HP1BP3: variants seen among roughly 807,000 people sequenced by gnomAD.
HP1BP3 encodes heterochromatin protein 1 binding protein 3.
In HP1BP3, 12 loss-of-function variants were observed where a neutral mutation model predicts 62.5. The ratio of observed to expected loss-of-function variants is 0.19; its 90% CI spans 0.12 to 0.31. The LOEUF (loss-of-function observed/expected upper bound fraction) is 0.31. Ranked by LOEUF, HP1BP3 falls within the 10% of genes least tolerant of loss-of-function variation. HP1BP3 has a pLI of 1.00. For missense variants in HP1BP3, 502 were observed against 651.8 expected (o/e 0.77, Z 2.50); for synonymous variants, 260 against 237.8 (o/e 1.09, Z -0.86).
chr1:20,765,688 A>C (rs1349495411), intron 7 of HP1BP3, among the ~76,000 whole-genome samples, 157 bp from the exon 8 acceptor site: 1 of 152,094 alleles, frequency 6.6e-6, no homozygotes, highest in Non-Finnish European at 1.5e-5. Flanking sequence ...ATACATATAA[A>C]AGCTGGGTGT....
At position 20,744,540 on chromosome 1, in the gene HP1BP3, G is replaced by A. The variant is rs1378547071; in HGVS notation, c.*257C>T. ...GGGGTTGGGGGAGGCAGAGAAAAAG[G>A]ACAAGTATACATTACATAGTTTAGG... On this transcript the variant is annotated 3_prime_UTR_variant, in exon 13 of 13. Coordinates refer to ENST00000438032, the MANE Select transcript of HP1BP3 (RefSeq NM_001372052.1). 6.1e-6 allele frequency: 2 copies of A among 330,206 alleles called. No individual in the cohort carries two copies. Among genetic ancestry groups the A allele is most frequent in the African/African-American group, 2.1e-5 (1 of 46,516 alleles). The allele number at this position is 330,206 out of a possible 1,614,324, so 20.5% of individuals were successfully genotyped here. A position where few individuals can be genotyped will look rare whatever the true frequency, so the allele number is the denominator to read the frequency against.
At chr1:20,756,928 T>A (rs1444816879) in intron 9 of HP1BP3, among the ~76,000 whole-genome samples, 1 of 152,164 alleles carries the variant, frequency 6.6e-6, no homozygotes, top group East Asian at 1.9e-4. Flanking sequence ...CAGGCTGGTC[T>A]CGAACTCCCA....
At chr1:20,755,447 C>T (rs985376066) in intron 9 of HP1BP3, 3 of 427,164 alleles carry the variant, frequency 7.0e-6, no homozygotes, top group East Asian at 1.4e-4. Flanking sequence ...TGGTGGTGCA[C>T]GCCTATAATC....
chr1:20,757,355 T>TTAC, intron 8 of HP1BP3, 99 bp from the exon 9 acceptor site: 2 of 509,162 alleles, frequency 3.9e-6, no homozygotes, highest in Non-Finnish European at 3.1e-6. Context: ...AGAGTTCTGA[T>TTAC]TACTATTATT....
In HP1BP3 at chr1:20,740,777, C is replaced by A. The variant is rs189786608; in HGVS notation, c.*4020G>T. On this transcript the variant is annotated 3_prime_UTR_variant, in exon 13 of 13. Transcript: ENST00000438032. ...AAGCTGCAGTGAGCCAAGATCACACCACTGCGCTGCAGCCTTAGTGACACA... is the reference window on the plus strand; with the variant it reads ...AAGCTGCAGTGAGCCAAGATCACACAACTGCGCTGCAGCCTTAGTGACACA... Among the ~76,000 whole-genome samples, 4 of 152,314 alleles carry A rather than the reference C, an allele frequency of 2.6e-5. No individual in the cohort carries two copies. In the East Asian group the frequency reaches 7.7e-4, roughly 29 times the overall value.
At chr1:20,780,302 G>T in intron 2 of HP1BP3, 43 bp downstream of exon 2, 1 of 1,397,088 alleles carries the variant, frequency 7.2e-7, no homozygotes, top group Middle Eastern at 1.8e-4. Flanking sequence ...CTGAAGTCAG[G>T]GATTGATCCA....
rs749105870 is a variant in HP1BP3 at position 20,780,464 on chromosome 1, T to C, written c.-24A>G. ...ATTTTAAATAATTTCTAGGCCCGAG[T>C]ACAGGTTACACTCTGAAGCCTCTGC... On this transcript the variant is annotated 5_prime_UTR_variant, in exon 2 of 13. Coordinates refer to ENST00000438032, the MANE Select transcript of HP1BP3 (RefSeq NM_001372052.1). 6.7e-7 allele frequency: 1 copy of C among 1,496,708 alleles called. No homozygotes were observed. The highest frequency in any genetic ancestry group is 1.1e-5 in the South Asian group (1 of 88,658). The allele number at this position is 1,496,708 out of a possible 1,614,324, so 92.7% of individuals were successfully genotyped here.
chr1:20,750,710 C>T (rs969174249), intron 9 of HP1BP3, among the ~76,000 whole-genome samples: 1 of 151,878 alleles, frequency 6.6e-6, no homozygotes, highest in Non-Finnish European at 1.5e-5. Context: ...GACAGCAAGA[C>T]CAACACCTCC....
chr1:20,770,140 T>C (rs2056987981), intron 6 of HP1BP3, among the ~76,000 whole-genome samples: 1 of 152,202 alleles, frequency 6.6e-6, no homozygotes, highest in Admixed American at 6.5e-5. Flanking sequence ...AAATCAACAT[T>C]TGTTCTAGTA....
chr1:20,746,251 G>A (rs2055327463), intron 11 of HP1BP3, among the ~76,000 whole-genome samples: 1 of 147,372 alleles, frequency 6.8e-6, no homozygotes, highest in African/African-American at 2.6e-5. Context: ...CAGACACAGG[G>A]TCTTGCTATG....
intron 8 of HP1BP3, among the ~76,000 whole-genome samples, chr1:20,757,532 C>T (rs978962989): frequency 1.5e-4 from 23 of 151,900 alleles, no homozygotes; most frequent in Non-Finnish European, 2.2e-4. Flanking sequence ...CCACCACACC[C>T]GGCTAATTTT....
chr1:20,746,215 T>C (rs1327376899), intron 11 of HP1BP3, among the ~76,000 whole-genome samples: 1 of 151,638 alleles, frequency 6.6e-6, no homozygotes, highest in Admixed American at 6.6e-5. Context: ...TGTGTGTGTG[T>C]GTGTGTGTGT....
chr1:20,780,238 C>A, intron 2 of HP1BP3, 107 bp downstream of exon 2: 2 of 801,962 alleles, frequency 2.5e-6, no homozygotes, highest in Non-Finnish European at 4.3e-6. Flanking sequence ...AATTCACAAC[C>A]TAGACTCCCC....
Position 20,776,687 on chromosome 1 carries a change from G to C in HP1BP3, c.260C>G (p.Pro87Arg). ...TVEEQENETP[P>R]ATSSEAEQPK... ...CTGCTCTGCCTCACTCGAAGTAGCA[G>C]GTGGAGTTTCATTCTCTTGTTCTTC... The change falls in exon 4 of 13, where the codon CCT (proline) becomes CGT (arginine). Residue 87 changes from proline (P) to arginine (R), a missense_variant. This residue lies in a region of HP1BP3 where 165 missense variants were observed against 156.4 expected (regional missense o/e 1.05). Transcript: ENST00000438032. The C allele has an allele frequency of 6.2e-7, 1 of 1,613,824 alleles. No individual in the cohort carries two copies.
At chr1:20,785,425 T>C (rs1265011254) in intron 1 of HP1BP3, among the ~76,000 whole-genome samples, 2 of 152,230 alleles carry the variant, frequency 1.3e-5, no homozygotes, top group East Asian at 3.8e-4. Context: ...GTAATACATG[T>C]CATTAGTGAT....
intron 10 of HP1BP3, among the ~76,000 whole-genome samples, chr1:20,748,762 T>TAAA (rs777290375): frequency 7.0e-6 from 1 of 142,122 alleles, no homozygotes; most frequent in Admixed American, 7.0e-5. Flanking sequence ...AGACTCCGTC[T>TAAA]AAAAAAAAAA....
At chr1:20,769,146 G>A (rs1235394345) in intron 6 of HP1BP3, among the ~76,000 whole-genome samples, 1 of 152,204 alleles carries the variant, frequency 6.6e-6, no homozygotes, top group Non-Finnish European at 1.5e-5. Flanking sequence ...CTGGAGTGCA[G>A]TGGCACAATC....
intron 9 of HP1BP3, among the ~76,000 whole-genome samples, chr1:20,753,592 G>A (rs1041305820): frequency 1.3e-5 from 2 of 152,176 alleles, no homozygotes; most frequent in Non-Finnish European, 1.5e-5. Flanking sequence ...CCAATGTATC[G>A]TGCTACAAAA....
In HP1BP3 at chr1:20,745,048, A is replaced by G; in HGVS notation, c.1411T>C (p.Ser471Pro). The change falls in exon 13 of 13, where the codon TCT becomes CCT. Residue 471 changes from serine (S) to proline (P), a missense_variant. By Grantham distance (74) the Ser-to-Pro change is moderately conservative. Around this residue, in one of 5 missense-constraint regions of HP1BP3, gnomAD observed 194 missense variants for 207.0 expected, o/e 0.94. Transcript: ENST00000438032. ...TPAKSPGKAA[S>P]VKQRGSKPAP... ...GGTTTGGACCCTCTCTGCTTCACAG[A>G]TGCGGCCTTCCCTGGGGACTTGGCT... The G allele has an allele frequency of 6.2e-7, 1 of 1,613,622 alleles. No homozygotes were observed. The highest frequency in any genetic ancestry group is 8.5e-7 in the Non-Finnish European group (1 of 1,179,868).
Sources: gnomAD v4.1 joint callset for allele counts (sites outside exome capture counted in the v4.1 genomes callset) on GRCh38, gnomAD v4.1.1 for gene constraint, gnomAD v4.1.1 regional missense constraint, MANE v1.5 for transcripts, NCBI Gene and HGNC (gene_info 2026-07-23, HGNC 2026-07-21) for gene names.